ASIC2: variants seen among roughly 807,000 people sequenced by gnomAD.
ASIC2 encodes the protein acid sensing ion channel subunit 2.
In ASIC2, 25 loss-of-function variants were observed where a neutral mutation model predicts 57.3. That is an observed-to-expected ratio of 0.44 (90% CI 0.32 to 0.61). ASIC2 has a LOEUF of 0.61. Ranked by LOEUF, ASIC2 falls within the 20% of genes least tolerant of loss-of-function variation. The pLI is 0.06. For missense variants in ASIC2, 641 were observed against 738.1 expected, an observed-to-expected ratio of 0.87 and a Z score of 1.52; for synonymous variants, 319 against 307.5, an observed-to-expected ratio of 1.04 and a Z score of -0.39.
intron 1 of ASIC2, among the ~76,000 whole-genome samples, chr17:33,463,768 C>T (rs1912721087): frequency 6.6e-6 from 1 of 152,230 alleles, no homozygotes; most frequent in South Asian, 2.1e-4. Flanking sequence ...TCTCTCTCTC[C>T]TCTGCCCCCA....
intron 1 of ASIC2, among the ~76,000 whole-genome samples, chr17:33,610,913 A>G (rs1197851288): frequency 2.0e-5 from 3 of 152,074 alleles, no homozygotes; most frequent in Non-Finnish European, 4.4e-5. Context: ...CAACAAAGAA[A>G]CAGAACAAAA....
At chr17:33,970,103 C>A (rs879501859) in intron 1 of ASIC2, among the ~76,000 whole-genome samples, 96 of 149,488 alleles carry the variant, frequency 6.4e-4, no homozygotes, top group Admixed American at 2.0e-3. Context: ...ACATTTTGGG[C>A]TCATTAATTC....
At chr17:33,455,528 C>A (rs977889042) in intron 1 of ASIC2, among the ~76,000 whole-genome samples, 1 of 152,252 alleles carries the variant, frequency 6.6e-6, no homozygotes, top group Non-Finnish European at 1.5e-5. Context: ...ATTTTGCTAT[C>A]TTTTTATGGC....
intron 1 of ASIC2, among the ~76,000 whole-genome samples, chr17:33,722,537 TG>T (rs1480510459): frequency 6.6e-6 from 1 of 151,022 alleles, no homozygotes; most frequent in Non-Finnish European, 1.5e-5. Context: ...GAGGTCAAGG[TG>T]GGAGGACTGC....
intron 1 of ASIC2, among the ~76,000 whole-genome samples, chr17:34,072,708 A>T (rs947262572): frequency 6.6e-6 from 1 of 152,238 alleles, no homozygotes; most frequent in Non-Finnish European, 1.5e-5. Context: ...TATAAAAACC[A>T]TTGCAAAAAT....
At chr17:33,848,961 T>G (rs563043861) in intron 1 of ASIC2, among the ~76,000 whole-genome samples, 3 of 152,380 alleles carry the variant, frequency 2.0e-5, no homozygotes, top group African/African-American at 7.2e-5. Context: ...GCTAATTCCT[T>G]TGTTAAAGTA....
intron 1 of ASIC2, among the ~76,000 whole-genome samples, chr17:33,671,888 C>T (rs926852046): frequency 4.6e-5 from 7 of 152,134 alleles, no homozygotes; most frequent in Non-Finnish European, 5.9e-5. Context: ...AACCTTGAAC[C>T]TTGTTTAGTG....
At chr17:33,107,558 A>G (rs535034066) in intron 2 of ASIC2, among the ~76,000 whole-genome samples, 8 of 152,280 alleles carry the variant, frequency 5.3e-5, no homozygotes, top group African/African-American at 1.9e-4. Flanking sequence ...ATGGCATATT[A>G]TCACGGTGCC....
chr17:33,898,220 C>CTTTTTATTTTTTT (rs1915146963), intron 1 of ASIC2, among the ~76,000 whole-genome samples: 1 of 66,196 alleles, frequency 1.5e-5, no homozygotes, highest in Non-Finnish European at 2.8e-5. Context: ...CATGTATAAT[C>CTTTTTATTTTTTT]TTTTTTTTTT....
At chr17:33,824,483 G>A (rs1454623466) in intron 1 of ASIC2, among the ~76,000 whole-genome samples, 3 of 152,054 alleles carry the variant, frequency 2.0e-5, no homozygotes, top group Non-Finnish European at 4.4e-5. Flanking sequence ...CTGTATAGCA[G>A]TTATAAGTAT....
chr17:33,110,119 C>T (rs2092251006), intron 2 of ASIC2, among the ~76,000 whole-genome samples: 1 of 152,060 alleles, frequency 6.6e-6, no homozygotes, highest in South Asian at 2.1e-4. Context: ...AGGAAAGCTA[C>T]CATTGTCATG....
Position 33,889,405 on chromosome 17 carries a change from T to C in ASIC2, c.555+266573A>G, listed in dbSNP as rs553171447. Among the ~76,000 whole-genome samples the C allele has an allele frequency of 2.5e-3, 382 of 152,324 alleles. 1 individual carries two copies. The highest frequency in any genetic ancestry group is 4.3e-3 in the Non-Finnish European group (294 of 68,022). ...GTGTTCTTTATATTAAATTTACTTT[T>C]GATAAGGAGTACCTGCAATCTCAGA... On this transcript the variant is annotated intron_variant, in intron 1 of 9. Coordinates refer to the ASIC2 transcript ENST00000359872.
At chr17:33,224,328 C>T (rs375815812) in intron 1 of ASIC2, among the ~76,000 whole-genome samples, 16 of 152,142 alleles carry the variant, frequency 1.1e-4, no homozygotes, top group East Asian at 5.8e-4. Flanking sequence ...TGTGCAGAGA[C>T]GCCACATCTG....
At chr17:33,236,538 G>C (rs1908303286) in intron 1 of ASIC2, among the ~76,000 whole-genome samples, 1 of 151,756 alleles carries the variant, frequency 6.6e-6, no homozygotes, top group South Asian at 2.1e-4. Flanking sequence ...ATGAGGTCTT[G>C]CTATGTTGCC....
intron 1 of ASIC2, among the ~76,000 whole-genome samples, chr17:33,916,149 A>G (rs566611808): frequency 6.6e-6 from 1 of 152,166 alleles, no homozygotes; most frequent in South Asian, 2.1e-4. Flanking sequence ...TTCACTCCCA[A>G]CATATGAGAT....
intron 8 of ASIC2, among the ~76,000 whole-genome samples, chr17:33,017,163 G>A (rs1169327872): frequency 6.6e-6 from 1 of 152,202 alleles, no homozygotes; most frequent in Non-Finnish European, 1.5e-5. Flanking sequence ...GGGCCACAGA[G>A]GACATGACTC....
rs144130668 is a variant in ASIC2, at chr17:34,106,522, T to C, written c.555+49456A>G. Among the ~76,000 whole-genome samples the C allele has an allele frequency of 9.7e-3, 1,475 of 152,290 alleles. 20 individuals are homozygous for C. Among genetic ancestry groups the C allele is most frequent in the Non-Finnish European group, 0.011 (776 of 68,004 alleles). On this transcript the variant is annotated intron_variant, in intron 1 of 9. Transcript: ENST00000359872. ...TCCTGTATGTCTGCATGTATGTATG[T>C]ATGCACCTATTTATCAATCATATCT...
chr17:33,782,645 C>T (rs1235918208), intron 1 of ASIC2, among the ~76,000 whole-genome samples: 1 of 152,074 alleles, frequency 6.6e-6, no homozygotes, highest in Non-Finnish European at 1.5e-5. Context: ...GAGAGGGTTG[C>T]CTGAGCCTGG....
intron 3 of ASIC2, among the ~76,000 whole-genome samples, chr17:33,074,083 T>C (rs1048579443): frequency 6.6e-6 from 1 of 152,156 alleles, no homozygotes; most frequent in Non-Finnish European, 1.5e-5. Flanking sequence ...CCTCCGAGGC[T>C]CTCTGCTCCT....
Sources: allele counts gnomAD v4.1 joint callset (sites outside exome capture counted in the v4.1 genomes callset), GRCh38; gene constraint gnomAD v4.1.1; transcripts MANE v1.5; gene names NCBI Gene and HGNC (gene_info 2026-07-23, HGNC 2026-07-21).